CHID1: variants seen among roughly 807,000 people sequenced by gnomAD.
CHID1 encodes chitinase domain containing 1, also known as chitinase domain-containing protein 1.
In CHID1, 44 loss-of-function variants were observed where a neutral mutation model predicts 55.4. The observed-to-expected ratio is 0.79, with a 90% CI of 0.62 to 1.02. The LOEUF (loss-of-function observed/expected upper bound fraction) is 1.02. CHID1 is among the 50% of genes least tolerant of loss of function. The pLI, the probability that CHID1 is intolerant of heterozygous loss-of-function variation, is 0.00. For synonymous variants in CHID1, 216 were observed against 212.9 expected (o/e 1.01, Z -0.13); for missense variants, 491 against 515.3 (o/e 0.95, Z 0.46).
chr11:896,881 A>G (rs1220755118), intron 7 of CHID1, among the ~76,000 whole-genome samples: 1 of 98,720 alleles, frequency 1.0e-5, no homozygotes, highest in Non-Finnish European at 2.1e-5. Context: ...CACCCCAGAC[A>G]CGAGCCTGTC....
intron 7 of CHID1, among the ~76,000 whole-genome samples, chr11:897,956 T>C (rs1851502144): frequency 1.3e-5 from 2 of 152,140 alleles, no homozygotes; most frequent in African/African-American, 4.8e-5. Flanking sequence ...AGGGCTCTTC[T>C]GGAGCCGGGG....
intron 10 of CHID1, among the ~76,000 whole-genome samples, chr11:871,861 G>A (rs1179074835): frequency 1.3e-5 from 2 of 152,254 alleles, no homozygotes; most frequent in African/African-American, 4.8e-5. Flanking sequence ...CTGCCCAGGA[G>A]TAGTGGGATG....
chr11:905,488 G>A lies in CHID1; in HGVS notation c.-43-629C>T, dbSNP rs984027639. On this transcript the variant is annotated intron_variant, in intron 1 of 12. Coordinates refer to ENST00000323578, the MANE Select transcript of CHID1 (RefSeq NM_023947.4). Reference sequence around the variant, plus strand: ...AATTCATGACCAGCCTGACCAACATGGTGAAACCCCATCTCTACTAAAAAT... The same window carrying A: ...AATTCATGACCAGCCTGACCAACATAGTGAAACCCCATCTCTACTAAAAAT... 3.9e-5 allele frequency among the ~76,000 whole-genome samples: 6 copies of A among 152,154 alleles called. No homozygotes were observed. In the South Asian group the frequency reaches 8.3e-4, roughly 21 times the overall value.
chr11:870,728 AGCC>A, intron 10 of CHID1: 1 of 519,526 alleles, frequency 1.9e-6, no homozygotes, highest in Non-Finnish European at 3.5e-6. Flanking sequence ...CCTCGGAAGA[AGCC>A]ACCCCACCAA....
intron 10 of CHID1, among the ~76,000 whole-genome samples, chr11:879,574 G>A (rs966524392): frequency 6.6e-6 from 1 of 152,264 alleles, no homozygotes; most frequent in African/African-American, 2.4e-5. Context: ...GGGAGGAGCC[G>A]ACCCCACCTT....
rs1851885945 is a variant in CHID1, at chr11:902,388, T to C, written c.262-58A>G. ...AGGTGAGTGAGCACCTGTCTCACCA[T>C]GGTGCTGTCATTCTGGCGCCTCTGG... On this transcript the variant is annotated intron_variant, in intron 3 of 12. Transcript: ENST00000323578. 8 of 1,581,072 alleles carry C rather than the reference T, an allele frequency of 5.1e-6. No individual in the cohort carries two copies. In the Admixed American group the frequency reaches 6.8e-5, roughly 13 times the overall value.
intron 4 of CHID1, among the ~76,000 whole-genome samples, chr11:901,843 C>A (rs540535780): frequency 6.6e-6 from 1 of 152,208 alleles, no homozygotes; most frequent in Non-Finnish European, 1.5e-5. Flanking sequence ...TCCACACTCA[C>A]CTTCCCACTT....
rs766939366 is a variant in CHID1 at position 883,276 on chromosome 11, C to T, written c.831G>A (p.Trp277Ter). ...HQPGPNAPLS[W>*]VRACVQVLDP... ...CCAGGACCTGGACGCAGGCTCGAAC[C>T]CAGGACAGGGGTGCATTAGGGCCAG... Residue 277 changes from tryptophan (W) to a stop codon, truncating the protein, a stop_gained, in exon 10 of 13, where the codon TGG becomes TGA. Coordinates refer to ENST00000323578, the MANE Select transcript of CHID1 (RefSeq NM_023947.4). LOFTEE classifies it high-confidence loss of function. 6.2e-7 allele frequency: 1 copy of T among 1,614,016 alleles called. No individual in the cohort carries two copies. The highest frequency in any genetic ancestry group is 1.1e-5 in the South Asian group (1 of 91,082).
chr11:899,325 C>A lies in CHID1; in HGVS notation c.608+15G>T. 1 of 1,593,186 alleles carries A rather than the reference C, an allele frequency of 6.3e-7. No individual in the cohort carries two copies. The highest frequency in any genetic ancestry group is 8.6e-7 in the Non-Finnish European group (1 of 1,169,524). On this transcript the variant is annotated intron_variant, in intron 7 of 12. Coordinates refer to ENST00000323578, the MANE Select transcript of CHID1 (RefSeq NM_023947.4). ...CCAGGAGGAGGGCCACCCACCACCA[C>A]CTGTGCCCACTCACACGCGCTTCTG... is the stretch of plus-strand genomic sequence containing the variant.
chr11:891,883 C>T (rs539531789), intron 8 of CHID1, among the ~76,000 whole-genome samples: 5 of 146,442 alleles, frequency 3.4e-5, no homozygotes, highest in South Asian at 4.3e-4. Flanking sequence ...GTGGGATGAT[C>T]GCTTGAGCCC....
In CHID1 at chr11:900,123, C is replaced by T. The variant is rs960463808; in HGVS notation, c.440-13G>A. ...AGGAGCCGAGGCACTGCAGGGGCAA[C>T]AGACACACACGGGGGCCGTGACTGG... On this transcript the variant is annotated splice_polypyrimidine_tract_variant and intron_variant, in intron 5 of 12. Coordinates refer to ENST00000323578, the MANE Select transcript of CHID1 (RefSeq NM_023947.4). 9 of 1,600,040 alleles carry T rather than the reference C, an allele frequency of 5.6e-6. No homozygotes were observed. The East Asian group carries it at 1.6e-4, about 28-fold the overall frequency.
chr11:888,280 T>C (rs1850545513), intron 8 of CHID1, among the ~76,000 whole-genome samples: 1 of 152,124 alleles, frequency 6.6e-6, no homozygotes, highest in Non-Finnish European at 1.5e-5. Flanking sequence ...TGGTGATCAG[T>C]GGGAGAAAGA....
rs745740853 is a variant in CHID1, at chr11:869,830, C to T, written c.*28G>A. On this transcript the variant is annotated 3_prime_UTR_variant, in exon 13 of 13. Transcript: ENST00000323578. ...TCACTCCATGGCTTAGAAAAGAACA[C>T]GTCCACCGCGGAGGCCGCAATGCCC... 8.2e-6 allele frequency: 13 copies of T among 1,588,576 alleles called. No homozygotes were observed. The highest frequency in any genetic ancestry group is 5.5e-5 in the South Asian group (5 of 90,586).
intron 10 of CHID1, among the ~76,000 whole-genome samples, chr11:871,697 G>A (rs1000444226): frequency 6.6e-6 from 1 of 152,232 alleles, no homozygotes; most frequent in Non-Finnish European, 1.5e-5. Flanking sequence ...CATGTGGGAG[G>A]GGAGGACAGG....
At chr11:889,259 G>A (rs186915139) in intron 8 of CHID1, among the ~76,000 whole-genome samples, 1 of 152,278 alleles carries the variant, frequency 6.6e-6, no homozygotes, top group African/African-American at 2.4e-5. Flanking sequence ...CGACTCTCAC[G>A]TTCTACCTGC....
In CHID1 at chr11:873,482, G is replaced by C. The variant is rs558837856; in HGVS notation, c.960-2983C>G. On this transcript the variant is annotated intron_variant, in intron 10 of 12. Transcript: ENST00000323578. ...CAGCCACAGTGAGTGGGGAGCGAGC[G>C]AGGGGCCTGCCTGGGAGGAAGGAAG... is the stretch of plus-strand genomic sequence containing the variant. Among the ~76,000 whole-genome samples, 6 of 152,256 alleles carry C rather than the reference G, an allele frequency of 3.9e-5. No individual in the cohort carries two copies. The East Asian group carries it at 1.2e-3, about 29-fold the overall frequency.
intron 10 of CHID1, among the ~76,000 whole-genome samples, chr11:872,793 C>A (rs535322798): frequency 2.0e-5 from 3 of 152,308 alleles, no homozygotes; most frequent in African/African-American, 7.2e-5. Flanking sequence ...TGGGCAGATA[C>A]CTCAGGGCAG....
chr11:889,634 T>C (rs2134221597), intron 8 of CHID1, among the ~76,000 whole-genome samples: 1 of 152,260 alleles, frequency 6.6e-6, no homozygotes, highest in Non-Finnish European at 1.5e-5. Context: ...CTATGGTCCC[T>C]AGTCCCTGCC....
In CHID1 at chr11:900,084, T is replaced by G. The variant is rs1345976427; in HGVS notation, c.466A>C (p.Thr156Pro). 1 of 1,613,906 alleles carries G rather than the reference T, an allele frequency of 6.2e-7. No homozygotes were observed. The highest frequency in any genetic ancestry group is 8.5e-7 in the Non-Finnish European group (1 of 1,179,950). ...IVPRLLFEDW[T>P]YDDFRNVLDS... ...AAGACGTTCCGGAAATCATCGTAAG[T>G]CCAGTCCTCAAACAGGAGCCGAGGC... The change falls in exon 6 of 13, where the codon ACT (threonine) becomes CCT (proline). Residue 156 changes from threonine to proline, a missense_variant. Coordinates refer to ENST00000323578, the MANE Select transcript of CHID1 (RefSeq NM_023947.4).
Sources: allele counts gnomAD v4.1 joint callset (sites outside exome capture counted in the v4.1 genomes callset), GRCh38; gene constraint gnomAD v4.1.1; transcripts MANE v1.5; gene names NCBI Gene and HGNC (gene_info 2026-07-23, HGNC 2026-07-21).